The following FSTL5 variants were observed in gnomAD, a reference collection of about 807,000 sequenced individuals.
The protein encoded by FSTL5 is follistatin like 5, also known as follistatin-related protein 5.
Under a neutral mutation model 89.1 loss-of-function variants are expected in FSTL5, and 62 were observed. The observed-to-expected ratio is 0.70, with a 90% CI of 0.57 to 0.86. The LOEUF (loss-of-function observed/expected upper bound fraction) is 0.86, where lower values mean the gene tolerates loss of function less well. Among genes scored for constraint, FSTL5 ranks in the 40% least tolerant of loss-of-function variants. FSTL5 has a pLI of 0.00. For missense variants in FSTL5, 1,057 were observed against 1,001.6 expected (o/e 1.06, Z -0.75); for synonymous variants, 383 against 346.2 (o/e 1.11, Z -1.18).
intron 2 of FSTL5, among the ~76,000 whole-genome samples, chr4:162,097,095 T>G (rs1056691529): frequency 1.3e-5 from 2 of 151,908 alleles, no homozygotes; most frequent in African/African-American, 4.8e-5. Context: ...GAGATTTAAT[T>G]TACTCTTTTC....
chr4:162,019,481 G>A (rs1737007686), intron 3 of FSTL5, among the ~76,000 whole-genome samples: 1 of 151,888 alleles, frequency 6.6e-6, no homozygotes, highest in South Asian at 2.1e-4. Context: ...ATAGAACATG[G>A]TGGAATGTAA....
intron 2 of FSTL5, among the ~76,000 whole-genome samples, chr4:162,095,857 C>G (rs1414632635): frequency 6.6e-6 from 1 of 151,834 alleles, no homozygotes; most frequent in African/African-American, 2.4e-5. Context: ...AAAATACACA[C>G]GTTACATGTG....
chr4:161,531,873 A>T (rs114315174), intron 10 of FSTL5, among the ~76,000 whole-genome samples: 1 of 152,086 alleles, frequency 6.6e-6, no homozygotes, highest in Admixed American at 6.6e-5. Flanking sequence ...TAGGCTTTTG[A>T]GAAATAGATT....
chr4:161,674,703 C>T (rs1737238731), intron 6 of FSTL5, among the ~76,000 whole-genome samples: 1 of 152,098 alleles, frequency 6.6e-6, no homozygotes, highest in African/African-American at 2.4e-5. Context: ...ACGTAGTGAC[C>T]ATGCTAGGAG....
chr4:161,539,968 A>T lies in FSTL5; in HGVS notation c.1178-1668T>A, dbSNP rs145986755. 7.9e-3 allele frequency among the ~76,000 whole-genome samples: 1,184 copies of T among 150,304 alleles called. 19 individuals are homozygous for T. Among genetic ancestry groups the T allele is most frequent in the African/African-American group, 0.028 (1,145 of 40,862 alleles). The stretch of plus-strand genomic sequence containing the variant: ...TAAATTCTCTGGGTTTTGTTTTGAA[A>T]TACCAAATAAATTTCTTCCTTCTTT... On this transcript the variant is annotated intron_variant, in intron 9 of 15. Transcript: ENST00000306100.
intron 6 of FSTL5, among the ~76,000 whole-genome samples, chr4:161,716,931 A>G (rs551655066): frequency 1.7e-4 from 26 of 152,314 alleles, no homozygotes; most frequent in South Asian, 6.2e-4. Flanking sequence ...AGGTAAAAAT[A>G]TCTGTGTAGT....
intron 2 of FSTL5, among the ~76,000 whole-genome samples, chr4:162,062,839 C>T (rs1738766797): frequency 6.6e-6 from 1 of 151,262 alleles, no homozygotes; most frequent in Non-Finnish European, 1.5e-5. Context: ...ATATGATTCT[C>T]TTCTCAAAGA....
chr4:161,860,447 G>T (rs896196790), intron 4 of FSTL5, among the ~76,000 whole-genome samples: 3 of 152,188 alleles, frequency 2.0e-5, no homozygotes, highest in African/African-American at 7.2e-5. Flanking sequence ...AAGCTTTGAA[G>T]AATTCAAAGG....
At chr4:162,145,807 G>C (rs1488933232) in intron 1 of FSTL5, among the ~76,000 whole-genome samples, 2 of 152,130 alleles carry the variant, frequency 1.3e-5, no homozygotes, top group African/African-American at 4.8e-5. Context: ...CCAAACTTTA[G>C]GAAGTTTAAT....
chr4:161,508,003 T>A lies in FSTL5; in HGVS notation c.1339+2395A>T, dbSNP rs114443948. ...AGGTAAATATATAAATATAAAACAC[T>A]GCTAGAATGAAAATAAAAGTGTATC... is the stretch of plus-strand genomic sequence containing the variant. On this transcript the variant is annotated intron_variant, in intron 11 of 15. Coordinates refer to ENST00000306100, the MANE Select transcript of FSTL5 (RefSeq NM_020116.5). Among the ~76,000 whole-genome samples, 678 of 152,060 alleles carry A rather than the reference T, an allele frequency of 4.5e-3. 10 individuals are homozygous for A. Among genetic ancestry groups the A allele is most frequent in the African/African-American group, 0.014 (585 of 41,544 alleles).
At chr4:162,047,156 A>T (rs1463801677) in intron 2 of FSTL5, among the ~76,000 whole-genome samples, 1 of 152,128 alleles carries the variant, frequency 6.6e-6, no homozygotes, top group East Asian at 1.9e-4. Flanking sequence ...AAGGAGATAA[A>T]CAGAAAGTAG....
chr4:161,580,610 C>T (rs961741514), intron 8 of FSTL5, among the ~76,000 whole-genome samples: 9 of 151,996 alleles, frequency 5.9e-5, no homozygotes, highest in African/African-American at 2.2e-4. Context: ...TGTTGAATGC[C>T]CCTCAGGAGC....
At chr4:162,017,956 C>T (rs1029602004) in intron 3 of FSTL5, among the ~76,000 whole-genome samples, 7 of 152,040 alleles carry the variant, frequency 4.6e-5, no homozygotes, top group Admixed American at 1.3e-4. Flanking sequence ...TATCTCGAGC[C>T]CCTTGCTTTG....
intron 3 of FSTL5, among the ~76,000 whole-genome samples, chr4:161,979,211 A>C (rs950344458): frequency 1.3e-5 from 2 of 152,068 alleles, no homozygotes; most frequent in African/African-American, 4.8e-5. Context: ...CTTTCCTTTC[A>C]CCATAAGAAG....
rs1731860983 is a variant in FSTL5 at position 161,542,543 on chromosome 4, A to C, written c.1166T>G (p.Leu389Arg). 6.7e-7 allele frequency: 1 copy of C among 1,495,962 alleles called. No individual in the cohort carries two copies. Among genetic ancestry groups the C allele is most frequent in the Non-Finnish European group, 9.0e-7 (1 of 1,117,250 alleles). The allele number at this position is 1,495,962 out of a possible 1,614,324, so 92.7% of individuals were successfully genotyped here. A position where few individuals can be genotyped will look rare whatever the true frequency, so the allele number is the denominator to read the frequency against. The change falls in exon 9 of 16, where the codon CTC becomes CGC. Residue 389 changes from leucine to arginine, a missense_variant. By Grantham distance (102) the Leu-to-Arg change is moderately radical. Transcript: ENST00000306100. Reference sequence around the variant, plus strand: ...CAAGTAAAAAGCACCTTGAAGCGTGAGTTGTTTGGAAAGCTTTGGTGTAAT... The same window carrying C: ...CAAGTAAAAAGCACCTTGAAGCGTGCGTTGTTTGGAAAGCTTTGGTGTAAT... ...IDITPKLSKQ[L>R]TLQANGSEVH... is the part of the protein sequence containing the mutation.
intron 1 of FSTL5, among the ~76,000 whole-genome samples, chr4:162,126,327 A>C (rs931552859): frequency 2.0e-5 from 3 of 152,112 alleles, no homozygotes. Context: ...TAATAACTTT[A>C]TTAAAATCTT....
At chr4:161,780,303 C>T (rs1471882665) in intron 4 of FSTL5, among the ~76,000 whole-genome samples, 1 of 151,666 alleles carries the variant, frequency 6.6e-6, no homozygotes, top group African/African-American at 2.4e-5. Context: ...TCCCCAAGTC[C>T]AAAAATAGCA....
At chr4:161,811,633 T>A (rs2126839755) in intron 4 of FSTL5, among the ~76,000 whole-genome samples, 1 of 152,210 alleles carries the variant, frequency 6.6e-6, no homozygotes, top group South Asian at 2.1e-4. Flanking sequence ...ACTTGTTGAT[T>A]ATATCAAGCG....
At chr4:161,951,229 C>A (rs534639753) in intron 3 of FSTL5, among the ~76,000 whole-genome samples, 1 of 152,060 alleles carries the variant, frequency 6.6e-6, no homozygotes, top group Admixed American at 6.6e-5. Context: ...CATTAAACCT[C>A]TTTTTCTTGA....
Sources: allele counts gnomAD v4.1 joint callset (sites outside exome capture counted in the v4.1 genomes callset), GRCh38; gene constraint gnomAD v4.1.1; transcripts MANE v1.5; gene names NCBI Gene and HGNC (gene_info 2026-07-23, HGNC 2026-07-21).